The following EHBP1L1 variants were observed in gnomAD, a reference collection of about 807,000 sequenced individuals.
The protein encoded by EHBP1L1 is EH domain-binding protein 1-like protein 1.
Under a neutral mutation model 151.1 loss-of-function variants are expected in EHBP1L1, and 122 were observed. That is an observed-to-expected ratio of 0.81 (90% CI 0.70 to 0.94). The LOEUF (loss-of-function observed/expected upper bound fraction) is 0.94, where lower values mean the gene tolerates loss of function less well. Among genes scored for constraint, EHBP1L1 ranks in the 40% least tolerant of loss-of-function variants. The pLI is 0.00. For missense variants in EHBP1L1, 1,941 were observed against 1,959.8 expected (o/e 0.99, Z 0.18); for synonymous variants, 878 against 810.1 (o/e 1.08, Z -1.42).
chr11:65,588,052 G>A (rs574257047), intron 12 of EHBP1L1, among the ~76,000 whole-genome samples: 15 of 152,280 alleles, frequency 9.9e-5, no homozygotes, highest in Non-Finnish European at 2.1e-4. Context: ...CAGCTGTGAC[G>A]GGGTGAGTGG....
chr11:65,579,128 G>T lies in EHBP1L1; in HGVS notation c.155G>T (p.Cys52Phe). ...VVWTRRNRRI[C>F]SKAHSWQPGI... Reference sequence around the variant, plus strand: ...TGGACCCGTCGGAACCGACGCATCTGCTCCAAGGTGGGGAAGGATGGCAAC... The same window carrying T: ...TGGACCCGTCGGAACCGACGCATCTTCTCCAAGGTGGGGAAGGATGGCAAC... Residue 52 changes from cysteine (C) to phenylalanine (F), a missense_variant, in exon 2 of 19, where the codon TGC (cysteine) becomes TTC (phenylalanine). Transcript: ENST00000309295. The T allele has an allele frequency of 6.3e-7, 1 of 1,593,950 alleles. No individual in the cohort carries two copies. Among genetic ancestry groups the T allele is most frequent in the South Asian group, 1.1e-5 (1 of 87,600 alleles).
At position 65,583,073 on chromosome 11, in the gene EHBP1L1, G is replaced by A. The variant is rs1455924710; in HGVS notation, c.2401G>A (p.Val801Ile). The change falls in exon 9 of 19, where the codon GTT (valine) becomes ATT (isoleucine). Residue 801 changes from valine (V) to isoleucine (I), a missense_variant. Physicochemically the swap from Val to Ile is conservative, Grantham distance 29. Coordinates refer to ENST00000309295, the MANE Select transcript of EHBP1L1 (RefSeq NM_001099409.3). ...TACAACAGGGATCCAGGTGAAAGAG[G>A]TTGGGGGTTCAGAGGTTCCAGAGAT... Reference protein sequence around the residue: ...ADTTGIQVKEVGGSEVPEIAT... With the variant: ...ADTTGIQVKEIGGSEVPEIAT... The A allele has an allele frequency of 6.2e-7, 1 of 1,613,412 alleles. No individual in the cohort carries two copies. The highest frequency in any genetic ancestry group is 1.7e-5 in the Admixed American group (1 of 59,992).
chr11:65,578,956 G>C (rs562950898), intron 1 of EHBP1L1, 122 bp from the exon 2 acceptor site: 5 of 944,542 alleles, frequency 5.3e-6, no homozygotes, highest in Non-Finnish European at 8.0e-6. Context: ...TTCTGGAGGA[G>C]GGGGAGGTGG....
Position 65,582,820 on chromosome 11 carries a change from T to G in EHBP1L1, c.2148T>G (p.Ala716=), listed in dbSNP as rs765072273. 1 of 1,613,208 alleles carries G rather than the reference T, an allele frequency of 6.2e-7. No individual in the cohort carries two copies. Among genetic ancestry groups the G allele is most frequent in the African/African-American group, 1.3e-5 (1 of 74,738 alleles). The change falls in exon 9 of 19, where the codon GCT becomes GCG. Residue 716 remains alanine, a synonymous_variant. Transcript: ENST00000309295. ...VEASRVPESE[A]EGTEAKILGT... ...CTTCTAGGGTACCAGAGTCAGAGGC[T>G]GAGGGGACAGAAGCTAAAATATTAG...
chr11:65,583,256 C>G lies in EHBP1L1; in HGVS notation c.2584C>G (p.Arg862Gly), dbSNP rs758803714. 2.5e-6 allele frequency: 4 copies of G among 1,613,262 alleles called. No homozygotes were observed. The highest frequency in any genetic ancestry group is 2.2e-5 in the East Asian group (1 of 44,896). Residue 862 changes from arginine to glycine, a missense_variant, in exon 9 of 19, where the codon CGA (arginine) becomes GGA (glycine). Arg to Gly is a moderately radical substitution (Grantham distance 125). Transcript: ENST00000309295. ...GCCCGAGGCTGGAATGGCAGAGGCC[C>G]GAGTACTGATGACCCGTAAGACAGA... Reference protein sequence around the residue: ...SGPEAGMAEARVLMTRKTEII... With the variant: ...SGPEAGMAEAGVLMTRKTEII...
chr11:65,591,763 G>GCCCCCCCCCCCCCCC, intron 16 of EHBP1L1, 37 bp from the exon 17 acceptor site: 1 of 1,128,584 alleles, frequency 8.9e-7, no homozygotes, highest in South Asian at 1.3e-5. Context: ...TTCCTGAACT[G>GCCCCCCCCCCCCCCC]CCACCCCCCC....
At position 65,583,518 on chromosome 11, in the gene EHBP1L1, C is replaced by A; in HGVS notation, c.2846C>A (p.Ser949Tyr). ...AGVWGMSEGK[S>Y]GAWGAQEAEM... Reference sequence around the variant, plus strand: ...GTTTGGGGGATGTCAGAGGGCAAATCTGGGGCTTGGGGGGCCCAGGAAGCA... The same window carrying A: ...GTTTGGGGGATGTCAGAGGGCAAATATGGGGCTTGGGGGGCCCAGGAAGCA... Residue 949 changes from serine to tyrosine, a missense_variant, in exon 9 of 19, where the codon TCT becomes TAT. By Grantham distance (144) the Ser-to-Tyr change is moderately radical. Transcript: ENST00000309295. The A allele has an allele frequency of 1.9e-6, 3 of 1,613,350 alleles. No individual in the cohort carries two copies. The highest frequency in any genetic ancestry group is 2.2e-5 in the South Asian group (2 of 91,050).
chr11:65,582,644 G>A lies in EHBP1L1; in HGVS notation c.1972G>A (p.Ala658Thr), dbSNP rs754939656. ...GGTATTGGGGACCCAGAAAACAGAAGCTGGGGGTTCAGGAGTTTTGCAGAC... is the reference window on the plus strand; with the variant it reads ...GGTATTGGGGACCCAGAAAACAGAAACTGGGGGTTCAGGAGTTTTGCAGAC... ...TEVLGTQKTE[A>T]GGSGVLQTRT... Residue 658 changes from alanine to threonine, a missense_variant, in exon 9 of 19, where the codon GCT becomes ACT. Coordinates refer to ENST00000309295, the MANE Select transcript of EHBP1L1 (RefSeq NM_001099409.3). The A allele has an allele frequency of 1.2e-6, 2 of 1,613,500 alleles. No homozygotes were observed. The highest frequency in any genetic ancestry group is 4.5e-5 in the East Asian group (2 of 44,890).
At position 65,592,094 on chromosome 11, in the gene EHBP1L1, AGTGGCGCTGG is replaced by A; in HGVS notation, c.4472+6_4472+15del. The A allele has an allele frequency of 6.2e-7, 1 of 1,612,754 alleles. No individual in the cohort carries two copies. The highest frequency in any genetic ancestry group is 1.3e-5 in the African/African-American group (1 of 74,944). ...ACCTGGACCACAAGGAGCGGATGTGAGTGGCGCTGGGCGGCGCTGGGAGTTGGGAGGGTCC... is the reference window on the plus strand; with the variant it reads ...ACCTGGACCACAAGGAGCGGATGTGAGCGGCGCTGGGAGTTGGGAGGGTCC... On this transcript the variant is annotated splice_donor_5th_base_variant and intron_variant, in intron 18 of 18. Coordinates refer to ENST00000309295, the MANE Select transcript of EHBP1L1 (RefSeq NM_001099409.3).
At chr11:65,579,731 G>A (rs1325395709) in intron 3 of EHBP1L1, among the ~76,000 whole-genome samples, 1 of 151,302 alleles carries the variant, frequency 6.6e-6, no homozygotes, top group Non-Finnish European at 1.5e-5. Flanking sequence ...GGAGGCTGAG[G>A]CACGAGAATT....
At chr11:65,590,981 A>C (rs1445024587) in intron 16 of EHBP1L1, among the ~76,000 whole-genome samples, 1 of 150,526 alleles carries the variant, frequency 6.6e-6, no homozygotes, top group Non-Finnish European at 1.5e-5. Flanking sequence ...CAGTGAGCCA[A>C]GATCAGACCA....
rs1369048428 is a variant in EHBP1L1 at position 65,591,813 on chromosome 11, G to A, written c.4297G>A (p.Asp1433Asn). The stretch of plus-strand genomic sequence containing the variant: ...GCCACCTTCCAGCATGGAGGAGCAG[G>A]ACTTGGAGCGAAGGTTCGAGCTGCT... ...DQLQLLMEEQ[D>N]LERRFELLSR... is the part of the protein sequence containing the mutation. The change falls in exon 17 of 19, where the codon GAC becomes AAC. Residue 1433 changes from aspartate (D) to asparagine (N), a missense_variant. Transcript: ENST00000309295. 1 of 1,535,086 alleles carries A rather than the reference G, an allele frequency of 6.5e-7. No homozygotes were observed. The highest frequency in any genetic ancestry group is 8.8e-7 in the Non-Finnish European group (1 of 1,138,224).
chr11:65,584,007 G>A, intron 9 of EHBP1L1: 1 of 1,405,324 alleles, frequency 7.1e-7, no homozygotes, highest in South Asian at 1.7e-5. Context: ...TTTGAGGTGT[G>A]GCTGCTGGTG....
Position 65,584,554 on chromosome 11 carries a change from T to A in EHBP1L1, c.3300+20T>A. The A allele has an allele frequency of 6.2e-7, 1 of 1,608,128 alleles. No homozygotes were observed. Among genetic ancestry groups the A allele is most frequent in the Non-Finnish European group, 8.5e-7 (1 of 1,177,756 alleles). Reference sequence around the variant, plus strand: ...AAGCAGGTGAGATGGGGTGGGGGACTGCCTGGAGGGAAGGAGGGTCTGGAG... The same window carrying A: ...AAGCAGGTGAGATGGGGTGGGGGACAGCCTGGAGGGAAGGAGGGTCTGGAG... On this transcript the variant is annotated intron_variant, in intron 11 of 18. Transcript: ENST00000309295.
intron 6 of EHBP1L1, 84 bp downstream of exon 6, chr11:65,580,563 C>A: frequency 6.5e-7 from 1 of 1,538,744 alleles, no homozygotes. Flanking sequence ...TTGCTGTGCC[C>A]GCCCTGTGAT....
rs1208489724 is a variant in EHBP1L1, at chr11:65,582,825, G to A, written c.2153G>A (p.Gly718Glu). The change falls in exon 9 of 19, where the codon GGG (glycine) becomes GAG (glutamate). Residue 718 changes from glycine (G) to glutamate (E), a missense_variant. Gly to Glu is a moderately conservative substitution (Grantham distance 98, BLOSUM62 -2). Transcript: ENST00000309295. ...AGGGTACCAGAGTCAGAGGCTGAGG[G>A]GACAGAAGCTAAAATATTAGGGACC... ...ASRVPESEAE[G>E]TEAKILGTQE... 3.1e-6 allele frequency: 5 copies of A among 1,613,134 alleles called. No individual in the cohort carries two copies. The highest frequency in any genetic ancestry group is 1.6e-4 in the Middle Eastern group (1 of 6,080).
intron 9 of EHBP1L1, 120 bp from the exon 10 acceptor site, chr11:65,584,121 C>T (rs1311531254): frequency 6.0e-6 from 9 of 1,497,970 alleles, no homozygotes; most frequent in Non-Finnish European, 7.1e-6. Context: ...AGCCAGTGGT[C>T]TCTGGTGACC....
At chr11:65,578,583 C>T (rs1284014919) in intron 1 of EHBP1L1, among the ~76,000 whole-genome samples, 1 of 152,216 alleles carries the variant, frequency 6.6e-6, no homozygotes, top group African/African-American at 2.4e-5. Context: ...CCGGAAAGGT[C>T]TTGTCTCTCT....
In EHBP1L1 at chr11:65,581,606, G is replaced by A; in HGVS notation, c.934G>A (p.Ala312Thr). Reference protein sequence around the residue: ...PAPRLRKGSDALRPPVPQGED... With the variant: ...PAPRLRKGSDTLRPPVPQGED... Reference sequence around the variant, plus strand: ...CCCTCGGCTCCGGAAAGGCTCTGATGCCCTCCGGCCCCCAGTCCCCCAGGG... The same window carrying A: ...CCCTCGGCTCCGGAAAGGCTCTGATACCCTCCGGCCCCCAGTCCCCCAGGG... Residue 312 changes from alanine (A) to threonine (T), a missense_variant, in exon 9 of 19, where the codon GCC becomes ACC. Transcript: ENST00000309295. 3.3e-6 allele frequency: 5 copies of A among 1,526,430 alleles called. No homozygotes were observed. The highest frequency in any genetic ancestry group is 4.4e-6 in the Non-Finnish European group (5 of 1,136,522). 94.6% of individuals were successfully genotyped at this position (1,526,430 alleles called of 1,614,324 possible).
Sources: gnomAD v4.1 joint callset for allele counts (sites outside exome capture counted in the v4.1 genomes callset) on GRCh38, gnomAD v4.1.1 for gene constraint, MANE v1.5 for transcripts, NCBI Gene and HGNC (gene_info 2026-07-23, HGNC 2026-07-21) for gene names.